Variants in FBXL17 observed in about 807,000 individuals in gnomAD.
FBXL17 encodes the protein F-box/LRR-repeat protein 17.
Under a neutral mutation model 66.2 loss-of-function variants are expected in FBXL17, and 22 were observed. That is an observed-to-expected ratio of 0.33 (90% CI 0.24 to 0.47). The LOEUF is 0.47. FBXL17 is among the 20% of genes least tolerant of loss of function. FBXL17 has a pLI of 1.00. For missense variants in FBXL17, 878 were observed against 948.2 expected, an observed-to-expected ratio of 0.93 and a Z score of 0.97; for synonymous variants, 474 against 400.5, an observed-to-expected ratio of 1.18 and a Z score of -2.19.
At chr5:108,107,277 G>T (rs1380050800) in intron 6 of FBXL17, among the ~76,000 whole-genome samples, 1 of 152,052 alleles carries the variant, frequency 6.6e-6, no homozygotes, top group Non-Finnish European at 1.5e-5. Context: ...TCTCCATGTT[G>T]GTCAGGCTGG....
intron 1 of FBXL17, 128 bp downstream of exon 1, chr5:108,380,571 T>C: frequency 2.0e-6 from 1 of 507,174 alleles, no homozygotes; most frequent in Non-Finnish European, 3.1e-6. Flanking sequence ...CAGTCTCCCC[T>C]TGGGACGTCC....
chr5:108,154,249 G>A (rs1250163241), intron 6 of FBXL17, among the ~76,000 whole-genome samples: 2 of 141,958 alleles, frequency 1.4e-5, no homozygotes, highest in African/African-American at 5.2e-5. Context: ...AAATTCAGAG[G>A]AGGAAAAAAA....
chr5:107,975,279 A>C (rs528651418), intron 7 of FBXL17, among the ~76,000 whole-genome samples: 1 of 152,200 alleles, frequency 6.6e-6, no homozygotes, highest in South Asian at 2.1e-4. Context: ...ACACAAATCT[A>C]CCAATTTAGA....
At chr5:107,901,059 G>A (rs147939144) in intron 7 of FBXL17, among the ~76,000 whole-genome samples, 267 of 152,264 alleles carry the variant, frequency 1.8e-3, no homozygotes, top group Non-Finnish European at 2.9e-3. Context: ...ATTTAAGACT[G>A]CAATGAAGCA....
chr5:107,971,682 C>T (rs1213954985), intron 7 of FBXL17, among the ~76,000 whole-genome samples: 1 of 152,174 alleles, frequency 6.6e-6, no homozygotes, highest in Non-Finnish European at 1.5e-5. Context: ...AGGACAGAAT[C>T]ACTAACATTT....
At chr5:108,212,931 G>C (rs892306972) in intron 5 of FBXL17, among the ~76,000 whole-genome samples, 18 of 152,166 alleles carry the variant, frequency 1.2e-4, no homozygotes, top group African/African-American at 4.1e-4. Context: ...CCTTTCTCCA[G>C]GTGCTCTGTC....
chr5:108,292,630 G>C (rs1188204258), intron 4 of FBXL17, among the ~76,000 whole-genome samples: 2 of 152,096 alleles, frequency 1.3e-5, no homozygotes, highest in Non-Finnish European at 2.9e-5. Flanking sequence ...AAAAACCTCT[G>C]AACTCCCAAG....
intron 6 of FBXL17, among the ~76,000 whole-genome samples, chr5:108,077,487 A>G (rs184144344): frequency 2.4e-4 from 36 of 151,918 alleles, no homozygotes; most frequent in African/African-American, 8.4e-4. Flanking sequence ...AACAAATGAA[A>G]CCCCATCTCT....
chr5:108,189,976 ATTG>A (rs1753405537), intron 5 of FBXL17, among the ~76,000 whole-genome samples: 1 of 152,166 alleles, frequency 6.6e-6, no homozygotes, highest in Non-Finnish European at 1.5e-5. Context: ...TGAGATCTTG[ATTG>A]CCTTGTGAAA....
chr5:108,081,776 CAT>C (rs1191609285), intron 6 of FBXL17, among the ~76,000 whole-genome samples: 2 of 152,074 alleles, frequency 1.3e-5, no homozygotes, highest in African/African-American at 4.8e-5. Context: ...CTTACAACCA[CAT>C]GTTCAAATAT....
intron 4 of FBXL17, among the ~76,000 whole-genome samples, chr5:108,282,189 C>T (rs1757726845): frequency 6.6e-6 from 1 of 151,728 alleles, no homozygotes; most frequent in South Asian, 2.1e-4. Context: ...CAGTATCATC[C>T]TGATACCAAA....
At chr5:107,957,144 T>C (rs1751693638) in intron 7 of FBXL17, among the ~76,000 whole-genome samples, 1 of 152,196 alleles carries the variant, frequency 6.6e-6, no homozygotes, top group Admixed American at 6.5e-5. Context: ...TCTCAACCTT[T>C]CGGTGTCACT....
intron 4 of FBXL17, among the ~76,000 whole-genome samples, chr5:108,312,501 G>C (rs1759172809): frequency 2.0e-5 from 3 of 147,268 alleles, no homozygotes. Context: ...AGCCACACAT[G>C]TTATGACACT....
intron 7 of FBXL17, among the ~76,000 whole-genome samples, chr5:107,938,333 A>C (rs910302108): frequency 6.6e-6 from 1 of 152,114 alleles, no homozygotes; most frequent in Non-Finnish European, 1.5e-5. Flanking sequence ...CAACTTGCTT[A>C]TCAGTAATCA....
intron 6 of FBXL17, among the ~76,000 whole-genome samples, chr5:108,143,726 G>GAAAA (rs67537467): frequency 1.5e-4 from 16 of 107,520 alleles, no homozygotes; most frequent in East Asian, 2.8e-4. Flanking sequence ...GTTTTCATGG[G>GAAAA]AAAAAAAAAA....
At chr5:108,334,707 G>A (rs1040886521) in intron 4 of FBXL17, among the ~76,000 whole-genome samples, 1 of 152,122 alleles carries the variant, frequency 6.6e-6, no homozygotes, top group Non-Finnish European at 1.5e-5. Context: ...TATTCAACAA[G>A]TGCAATAGAA....
intron 4 of FBXL17, among the ~76,000 whole-genome samples, chr5:108,293,102 A>C (rs1373729112): frequency 2.0e-5 from 3 of 151,566 alleles, no homozygotes; most frequent in East Asian, 1.9e-4. Flanking sequence ...AAAAAACAAA[A>C]AAAAAAAAAC....
chr5:108,016,069 G>C (rs935029175), intron 7 of FBXL17, among the ~76,000 whole-genome samples: 12 of 152,172 alleles, frequency 7.9e-5, no homozygotes, highest in Admixed American at 3.9e-4. Flanking sequence ...TATTATGTTT[G>C]ACAGAATGAA....
chr5:108,179,321 A>G lies in FBXL17; in HGVS notation c.1745+6796T>C, dbSNP rs2150024928. Among the ~76,000 whole-genome samples the G allele has an allele frequency of 1.3e-5, 2 of 152,284 alleles. 1 individual carries two copies. Among genetic ancestry groups the G allele is most frequent in the East Asian group, 3.9e-4 (2 of 5,178 alleles). ...GTTAGAAAAATCTTTATATAAAGCC[A>G]CGTTGAGTTTTACATGAGCCAAGGT... is the stretch of plus-strand genomic sequence containing the variant. On this transcript the variant is annotated intron_variant, in intron 6 of 8. Transcript: ENST00000542267.
Sources: allele counts gnomAD v4.1 joint callset (sites outside exome capture counted in the v4.1 genomes callset), GRCh38; gene constraint gnomAD v4.1.1; transcripts MANE v1.5; gene names NCBI Gene and HGNC (gene_info 2026-07-23, HGNC 2026-07-21).